The following STK3 variants were observed in gnomAD, a reference collection of about 807,000 sequenced individuals.
The protein encoded by STK3 is serine/threonine-protein kinase 3.
STK3 carries 41 observed loss-of-function variants against 58.0 expected under a neutral mutation model. The observed-to-expected ratio is 0.71, with a 90% CI of 0.55 to 0.92. STK3 has a LOEUF of 0.92. STK3 is among the 40% of genes least tolerant of loss of function. STK3 has a pLI of 0.00. For missense variants in STK3, 479 were observed against 602.7 expected (o/e 0.79, Z 2.15); for synonymous variants, 170 against 191.0 (o/e 0.89, Z 0.91).
At chr8:98,739,197 T>G (rs1828947476) in intron 4 of STK3, among the ~76,000 whole-genome samples, 1 of 152,258 alleles carries the variant, frequency 6.6e-6, no homozygotes, top group Admixed American at 6.5e-5. Context: ...CAGTAACCTC[T>G]GCAGACTTAA....
intron 6 of STK3, among the ~76,000 whole-genome samples, chr8:98,702,450 C>G (rs779401176): frequency 5.1e-4 from 77 of 152,266 alleles, no homozygotes; most frequent in Non-Finnish European, 4.4e-4. Flanking sequence ...CCTACAAAAA[C>G]CTTAATCAGT....
chr8:98,526,988 ATTT>A (rs1042497759), intron 9 of STK3, 71 bp from the exon 10 acceptor site: 4 of 1,281,502 alleles, frequency 3.1e-6, no homozygotes, highest in Non-Finnish European at 4.1e-6. Context: ...TTGAAGTATG[ATTT>A]TTTTATGAAG....
At chr8:98,600,156 C>T (rs1816205068) in intron 6 of STK3, among the ~76,000 whole-genome samples, 1 of 152,056 alleles carries the variant, frequency 6.6e-6, no homozygotes, top group Non-Finnish European at 1.5e-5. Context: ...GTTCCAGTAG[C>T]AATCATTAAT....
the STK3 span, among the ~76,000 whole-genome samples, chr8:98,364,064 T>C: frequency 6.6e-6 from 1 of 152,146 alleles, no homozygotes; most frequent in East Asian, 1.9e-4. Flanking sequence ...AGTGAGTTGG[T>C]GGGTGTCACT....
chr8:98,738,992 G>C (rs1451878283), intron 4 of STK3, among the ~76,000 whole-genome samples: 1 of 152,240 alleles, frequency 6.6e-6, no homozygotes, highest in African/African-American at 2.4e-5. Context: ...CTGATTGCTA[G>C]CACAGCAGTC....
rs555519861 is a variant in STK3 at position 98,892,731 on chromosome 8, T to C, written c.-78-8897A>G. Among the ~76,000 whole-genome samples, 59 of 152,332 alleles carry C rather than the reference T, an allele frequency of 3.9e-4. 1 individual carries two copies. Among genetic ancestry groups the C allele is most frequent in the Middle Eastern group, 3.4e-3 (1 of 294 alleles). On this transcript the variant is annotated intron_variant, in intron 1 of 1. Coordinates refer to the STK3 transcript ENST00000519420. ...CCATCTGACTCTAATTCTTTCTGAATTAGGACTATGTATTTCACAAATGCC... is the reference window on the plus strand; with the variant it reads ...CCATCTGACTCTAATTCTTTCTGAACTAGGACTATGTATTTCACAAATGCC...
At chr8:98,504,524 G>T (rs1050708909) in intron 10 of STK3, among the ~76,000 whole-genome samples, 1 of 152,182 alleles carries the variant, frequency 6.6e-6, no homozygotes, top group African/African-American at 2.4e-5. Flanking sequence ...GCAGTGGCTG[G>T]TACCAGTTGT....
chr8:98,729,694 G>T (rs1267422202), intron 4 of STK3, among the ~76,000 whole-genome samples: 2 of 152,204 alleles, frequency 1.3e-5, no homozygotes, highest in African/African-American at 4.8e-5. Context: ...GGCCACTTAT[G>T]TGCCAGGTGT....
intron 10 of STK3, among the ~76,000 whole-genome samples, chr8:98,484,016 A>C (rs1822042692): frequency 1.4e-5 from 2 of 147,008 alleles, no homozygotes; most frequent in Non-Finnish European, 3.1e-5. Context: ...AGCTGCCTCC[A>C]CTGATTTGGC....
intron 6 of STK3, among the ~76,000 whole-genome samples, chr8:98,695,345 G>C (rs1484048461): frequency 6.6e-6 from 1 of 152,236 alleles, no homozygotes; most frequent in East Asian, 1.9e-4. Context: ...AAGCTCTTTA[G>C]TTTAATTAGA....
At chr8:98,818,889 C>T (rs969379241) in intron 1 of STK3, among the ~76,000 whole-genome samples, 2 of 152,138 alleles carry the variant, frequency 1.3e-5, no homozygotes, top group Middle Eastern at 3.4e-3. Context: ...GGCGCAATCT[C>T]GGCTCACTGC....
At chr8:98,714,947 G>C (rs1481410830) in intron 4 of STK3, among the ~76,000 whole-genome samples, 1 of 151,942 alleles carries the variant, frequency 6.6e-6, no homozygotes, top group Non-Finnish European at 1.5e-5. Context: ...CAGACCAATG[G>C]AACAGAACAG....
intron 10 of STK3, among the ~76,000 whole-genome samples, chr8:98,503,670 A>G (rs1162702445): frequency 6.6e-6 from 1 of 152,190 alleles, no homozygotes; most frequent in Non-Finnish European, 1.5e-5. Context: ...CCCAGTACTC[A>G]TTCAGGAGCA....
chr8:98,494,374 T>C (rs928814439), intron 10 of STK3, among the ~76,000 whole-genome samples: 1 of 152,192 alleles, frequency 6.6e-6, no homozygotes, highest in Non-Finnish European at 1.5e-5. Context: ...AGGTGAACTT[T>C]GGTGTTCCTT....
At chr8:98,551,625 A>G (rs1811178269) in intron 8 of STK3, among the ~76,000 whole-genome samples, 2 of 152,134 alleles carry the variant, frequency 1.3e-5, no homozygotes, top group Admixed American at 6.6e-5. Flanking sequence ...AAATACTGCG[A>G]GGACATCTAC....
chr8:98,349,779 C>T, the STK3 span, among the ~76,000 whole-genome samples: 2 of 152,170 alleles, frequency 1.3e-5, no homozygotes, highest in Non-Finnish European at 1.5e-5. Context: ...TGTACATTGG[C>T]CCTTTTTAGT....
intron 9 of STK3, among the ~76,000 whole-genome samples, chr8:98,528,289 T>C (rs940675123): frequency 2.0e-5 from 3 of 151,402 alleles, no homozygotes; most frequent in Admixed American, 6.6e-5. Context: ...TCAATGGCTC[T>C]TCATTTTTTA....
At chr8:98,419,918 C>T (rs1220169947) in intron 3 of STK3, among the ~76,000 whole-genome samples, 2 of 152,064 alleles carry the variant, frequency 1.3e-5, no homozygotes, top group African/African-American at 2.4e-5. Flanking sequence ...CAGAGGATGC[C>T]GGGAAAGGAT....
In STK3 at chr8:98,631,414, C is replaced by T. The variant is rs149153279; in HGVS notation, c.685-35245G>A. Among the ~76,000 whole-genome samples the T allele has an allele frequency of 1.2e-3, 190 of 152,304 alleles. 1 individual carries two copies. Among genetic ancestry groups the T allele is most frequent in the South Asian group, 3.3e-3 (16 of 4,824 alleles). ...ATCCAGCTCCAGCCACTTAAACCTC[C>T]TTACTGTTTCTAAAACATCAAACAC... On this transcript the variant is annotated intron_variant, in intron 6 of 10. Coordinates refer to ENST00000419617, the MANE Select transcript of STK3 (RefSeq NM_006281.4).
Sources: allele counts gnomAD v4.1 joint callset (sites outside exome capture counted in the v4.1 genomes callset), GRCh38; gene constraint gnomAD v4.1.1; transcripts MANE v1.5; gene names NCBI Gene and HGNC (gene_info 2026-07-23, HGNC 2026-07-21).